The following MINDY4 variants were observed in gnomAD, a reference collection of about 807,000 sequenced individuals.
MINDY4 encodes MINDY lysine 48 deubiquitinase 4.
MINDY4 carries 68 observed loss-of-function variants against 87.0 expected under a neutral mutation model. That is an observed-to-expected ratio of 0.78 (90% confidence interval 0.64 to 0.96). The LOEUF is 0.96. MINDY4 is among the 40% of genes least tolerant of loss of function. The pLI is 0.00. For missense variants in MINDY4, 919 were observed against 928.2 expected, an observed-to-expected ratio of 0.99 and a Z score of 0.13; for synonymous variants, 379 against 363.2, an observed-to-expected ratio of 1.04 and a Z score of -0.50.
intron 5 of MINDY4, among the ~76,000 whole-genome samples, chr7:30,818,589 T>A (rs997064052): frequency 1.2e-4 from 18 of 152,188 alleles, no homozygotes; most frequent in Non-Finnish European, 2.5e-4. Context: ...AGACTTTTAG[T>A]GTGTCAGTGA....
chr7:30,786,152 C>G, intron 4 of MINDY4, 160 bp downstream of exon 4: 4 of 962,136 alleles, frequency 4.2e-6, no homozygotes, highest in South Asian at 1.6e-5. Context: ...CTCCCTGGCT[C>G]TACTGTCAAT....
intron 9 of MINDY4, among the ~76,000 whole-genome samples, chr7:30,848,411 A>G (rs142428339): frequency 2.6e-5 from 4 of 152,364 alleles, no homozygotes; most frequent in Non-Finnish European, 5.9e-5. Flanking sequence ...AAGGGTGGGC[A>G]TGAGGTACTC....
chr7:30,793,740 T>A (rs1787393719), intron 5 of MINDY4, among the ~76,000 whole-genome samples: 1 of 152,140 alleles, frequency 6.6e-6, no homozygotes, highest in South Asian at 2.1e-4. Flanking sequence ...AGCAGCCCAC[T>A]TCTAAGAGGA....
At chr7:30,816,116 TC>T (rs1306277201) in intron 5 of MINDY4, among the ~76,000 whole-genome samples, 5 of 151,972 alleles carry the variant, frequency 3.3e-5, no homozygotes, top group African/African-American at 9.7e-5. Flanking sequence ...ATGAGCTGTA[TC>T]TAGGTGATCT....
At position 30,782,066 on chromosome 7, in the gene MINDY4, A is replaced by C; in HGVS notation, c.273A>C (p.Gln91His). The change falls in exon 3 of 18, where the codon CAA becomes CAC. Residue 91 changes from glutamine (Q) to histidine (H), a missense_variant. Transcript: ENST00000265299. ...GAAATACGGCTAACAATTTCACTCA[A>C]GATACCCCAATCCCTGCACTCTCAG... ...HFGNTANNFT[Q>H]DTPIPALSVP... is the part of the protein sequence containing the mutation. The C allele has an allele frequency of 6.2e-7, 1 of 1,614,192 alleles. No homozygotes were observed. The highest frequency in any genetic ancestry group is 1.1e-5 in the South Asian group (1 of 91,080).
At chr7:30,851,779 A>G (rs1490814606) in intron 10 of MINDY4, among the ~76,000 whole-genome samples, 2 of 152,192 alleles carry the variant, frequency 1.3e-5, no homozygotes, top group African/African-American at 4.8e-5. Flanking sequence ...CGATTCCTGG[A>G]CGTCTTGGGC....
At chr7:30,831,499 A>AG (rs1491479764) in intron 6 of MINDY4, among the ~76,000 whole-genome samples, 1 of 152,174 alleles carries the variant, frequency 6.6e-6, no homozygotes, top group Non-Finnish European at 1.5e-5. Flanking sequence ...GAAAGGCAAC[A>AG]GGGGGGCAGG....
chr7:30,816,884 A>G (rs1485960953), intron 5 of MINDY4, among the ~76,000 whole-genome samples: 1 of 152,224 alleles, frequency 6.6e-6, no homozygotes, highest in Non-Finnish European at 1.5e-5. Flanking sequence ...GACAGAGAGA[A>G]AAAAATATTC....
At chr7:30,862,522 A>G (rs564572193) in intron 13 of MINDY4, among the ~76,000 whole-genome samples, 1 of 152,174 alleles carries the variant, frequency 6.6e-6, no homozygotes, top group Non-Finnish European at 1.5e-5. Flanking sequence ...GGCTCTGCTG[A>G]AGGTTTGCGG....
chr7:30,783,841 C>T (rs1230373115), intron 3 of MINDY4, among the ~76,000 whole-genome samples: 1 of 152,130 alleles, frequency 6.6e-6, no homozygotes, highest in East Asian at 1.9e-4. Flanking sequence ...TAAAAGGCAA[C>T]AGAACACTGC....
At chr7:30,828,759 G>T (rs775394916) in intron 6 of MINDY4, 22 bp downstream of exon 6, 2 of 1,610,372 alleles carry the variant, frequency 1.2e-6, no homozygotes, top group Non-Finnish European at 1.7e-6. Context: ...GGGTGCCTCT[G>T]TGCTGTGCCC....
At chr7:30,845,884 G>A (rs764017705) in intron 9 of MINDY4, among the ~76,000 whole-genome samples, 24 of 152,204 alleles carry the variant, frequency 1.6e-4, no homozygotes, top group African/African-American at 3.6e-4. Flanking sequence ...CTCCTCAGTC[G>A]GGAAGGATGG....
intron 5 of MINDY4, among the ~76,000 whole-genome samples, chr7:30,826,746 G>C (rs1294583978): frequency 1.3e-5 from 2 of 152,218 alleles, no homozygotes; most frequent in Non-Finnish European, 2.9e-5. Flanking sequence ...GTAACCCTAG[G>C]AAAATTACTA....
intron 13 of MINDY4, 32 bp from the exon 14 acceptor site, chr7:30,872,211 G>C: frequency 6.2e-7 from 1 of 1,612,372 alleles, no homozygotes; most frequent in Non-Finnish European, 8.5e-7. Context: ...GTCAGGCAGA[G>C]CTGTGCTAAC....
chr7:30,821,190 CTAT>C (rs1788317700), intron 5 of MINDY4, among the ~76,000 whole-genome samples: 1 of 152,092 alleles, frequency 6.6e-6, no homozygotes, highest in South Asian at 2.1e-4. Context: ...AAATTAGTTG[CTAT>C]TATTATTTTA....
intron 13 of MINDY4, among the ~76,000 whole-genome samples, chr7:30,862,087 G>A (rs1053939602): frequency 7.9e-5 from 12 of 152,238 alleles, no homozygotes; most frequent in African/African-American, 2.9e-4. Flanking sequence ...TTCAAGTGAG[G>A]AACAGGGCAG....
At chr7:30,881,592 C>T (rs746734933) in intron 15 of MINDY4, among the ~76,000 whole-genome samples, 1 of 152,196 alleles carries the variant, frequency 6.6e-6, no homozygotes, top group African/African-American at 2.4e-5. Flanking sequence ...ACCCCGGGCT[C>T]CTGGAACTTA....
chr7:30,856,785 C>T (rs573654799), intron 12 of MINDY4, among the ~76,000 whole-genome samples: 12 of 151,980 alleles, frequency 7.9e-5, no homozygotes, highest in Non-Finnish European at 1.5e-4. Context: ...CCAAGAGCTT[C>T]GTGACTTCCC....
intron 17 of MINDY4, among the ~76,000 whole-genome samples, chr7:30,890,014 G>C (rs1584363418): frequency 6.6e-6 from 1 of 152,354 alleles, no homozygotes; most frequent in South Asian, 2.1e-4. Flanking sequence ...AGCCTTTCAT[G>C]CAGGCAGAAA....
Sources: gnomAD v4.1 joint callset for allele counts (sites outside exome capture counted in the v4.1 genomes callset) on GRCh38, gnomAD v4.1.1 for gene constraint, MANE v1.5 for transcripts, NCBI Gene and HGNC (gene_info 2026-07-23, HGNC 2026-07-21) for gene names.